The following FGF12 variants were observed in gnomAD, a reference collection of about 807,000 sequenced individuals.
The protein encoded by FGF12 is fibroblast growth factor 12, also known as fibroblast growth factor 12B.
FGF12 carries 14 observed loss-of-function variants against 23.6 expected under a neutral mutation model. The ratio of observed to expected loss-of-function variants is 0.59; its 90% confidence interval spans 0.39 to 0.93. The LOEUF (loss-of-function observed/expected upper bound fraction) is 0.93. Among genes scored for constraint, FGF12 ranks in the 40% least tolerant of loss-of-function variants. The pLI, the probability that FGF12 is intolerant of heterozygous loss-of-function variation, is 0.00. For missense variants in FGF12, 175 were observed against 217.8 expected (o/e 0.80, Z 1.24); for synonymous variants, 62 against 77.3 (o/e 0.80, Z 1.04).
chr3:192,427,000 G>T (rs1721706276), intron 2 of FGF12, among the ~76,000 whole-genome samples: 1 of 152,076 alleles, frequency 6.6e-6, no homozygotes, highest in African/African-American at 2.4e-5. Flanking sequence ...TAATTACTTG[G>T]CATGGTTTAT....
intron 2 of FGF12, among the ~76,000 whole-genome samples, chr3:192,521,969 C>T (rs1027034772): frequency 6.6e-6 from 1 of 152,176 alleles, no homozygotes; most frequent in Non-Finnish European, 1.5e-5. Context: ...GAGGCCGAGG[C>T]GGGCGGATCA....
intron 2 of FGF12, among the ~76,000 whole-genome samples, chr3:192,640,790 C>CCTTT (rs1553842602): frequency 8.2e-6 from 1 of 122,136 alleles, no homozygotes; most frequent in Admixed American, 8.0e-5. Context: ...GTTAAAACCC[C>CCTTT]TTTTTTTTGT....
intron 2 of FGF12, among the ~76,000 whole-genome samples, chr3:192,586,203 G>A (rs1468544491): frequency 6.6e-6 from 1 of 152,150 alleles, no homozygotes; most frequent in African/African-American, 2.4e-5. Context: ...TGGGTAACAA[G>A]CAGGTAAATC....
intron 2 of FGF12, among the ~76,000 whole-genome samples, chr3:192,468,164 C>T (rs77456732): frequency 0.01 from 1,569 of 152,280 alleles, 23 homozygotes; most frequent in African/African-American, 0.037. Context: ...CAATGACAAT[C>T]TTTTTGGAAA....
chr3:192,667,257 G>A (rs1487632466), intron 2 of FGF12, among the ~76,000 whole-genome samples: 3 of 152,066 alleles, frequency 2.0e-5, no homozygotes, highest in African/African-American at 7.2e-5. Flanking sequence ...AAAAGCTTCT[G>A]GAAAGGTCAC....
At chr3:192,673,489 C>G (rs1222223722) in intron 2 of FGF12, among the ~76,000 whole-genome samples, 2 of 150,798 alleles carry the variant, frequency 1.3e-5, no homozygotes, top group African/African-American at 4.8e-5. Flanking sequence ...AACCCATCAC[C>G]TAGGTATTAA....
At chr3:192,503,424 A>G (rs1311576125) in intron 2 of FGF12, among the ~76,000 whole-genome samples, 1 of 152,152 alleles carries the variant, frequency 6.6e-6, no homozygotes, top group African/African-American at 2.4e-5. Flanking sequence ...AAAATCAGTG[A>G]TCCAAAATCA....
At chr3:192,312,385 T>A (rs1329963453) in intron 4 of FGF12, among the ~76,000 whole-genome samples, 1 of 151,458 alleles carries the variant, frequency 6.6e-6, no homozygotes, top group Non-Finnish European at 1.5e-5. Flanking sequence ...TTTTCATATG[T>A]CATGTGAAAA....
intron 2 of FGF12, chr3:192,516,537 C>T (rs989364725): frequency 6.6e-6 from 1 of 152,198 alleles, no homozygotes; most frequent in Non-Finnish European, 1.5e-5. Context: ...TTTGAAGTTG[C>T]CTGGAAGAAG....
chr3:192,546,227 C>A (rs1486932819), intron 2 of FGF12, among the ~76,000 whole-genome samples: 1 of 152,042 alleles, frequency 6.6e-6, no homozygotes, highest in Non-Finnish European at 1.5e-5. Flanking sequence ...AAGAATGCCT[C>A]ATTATAGAGT....
intron 2 of FGF12, among the ~76,000 whole-genome samples, chr3:192,575,646 TG>T (rs1371488083): frequency 6.8e-6 from 1 of 148,094 alleles, no homozygotes; most frequent in African/African-American, 2.5e-5. Flanking sequence ...CAGTAGGGTT[TG>T]CTAATGCTTT....
intron 2 of FGF12, among the ~76,000 whole-genome samples, chr3:192,624,456 G>C (rs1346422067): frequency 1.3e-5 from 2 of 152,124 alleles, no homozygotes; most frequent in African/African-American, 2.4e-5. Flanking sequence ...AGGAGGAGCA[G>C]AGAGAAGAGG....
In FGF12 at chr3:192,428,342, A is replaced by C. The variant is rs529459902; in HGVS notation, c.14-67804T>G. Among the ~76,000 whole-genome samples, 4 of 152,318 alleles carry C rather than the reference A, an allele frequency of 2.6e-5. No individual in the cohort carries two copies. The South Asian group carries it at 6.2e-4, about 24-fold the overall frequency. ...GTTAGAGGGAAGAATCAGGAGAGGAAGAAGGGAAGGGGGAAACAGTTCACA... is the reference window on the plus strand; with the variant it reads ...GTTAGAGGGAAGAATCAGGAGAGGACGAAGGGAAGGGGGAAACAGTTCACA... On this transcript the variant is annotated intron_variant, in intron 2 of 5. Transcript: ENST00000445105.
intron 2 of FGF12, among the ~76,000 whole-genome samples, chr3:192,483,914 T>C (rs1723551199): frequency 1.3e-5 from 2 of 152,146 alleles, no homozygotes; most frequent in African/African-American, 2.4e-5. Context: ...GCTGTACATA[T>C]GAAGGAGACA....
At chr3:192,644,457 G>C (rs1348388986) in intron 2 of FGF12, among the ~76,000 whole-genome samples, 1 of 151,970 alleles carries the variant, frequency 6.6e-6, no homozygotes, top group Non-Finnish European at 1.5e-5. Context: ...CTATTTTATT[G>C]CATGATGGTT....
At chr3:192,294,963 T>TAA (rs1387217783) in intron 4 of FGF12, among the ~76,000 whole-genome samples, 1 of 152,150 alleles carries the variant, frequency 6.6e-6, no homozygotes, top group African/African-American at 2.4e-5. Flanking sequence ...TAACTTAAAA[T>TAA]AATACCAGTG....
intron 4 of FGF12, among the ~76,000 whole-genome samples, chr3:192,296,437 T>C (rs1363559132): frequency 6.6e-6 from 1 of 152,074 alleles, no homozygotes; most frequent in Non-Finnish European, 1.5e-5. Context: ...TTACCCAGGC[T>C]GGTCTCAAAC....
In FGF12 at chr3:192,239,444, A is replaced by G. The variant is rs1719481341; in HGVS notation, c.229-68788T>C. On this transcript the variant is annotated intron_variant, in intron 4 of 5. Coordinates refer to ENST00000445105, the MANE Select transcript of FGF12 (RefSeq NM_004113.6). ...CCAAATTGGGACAAAGCCGTTAATT[A>G]TGTGAAGCTTATTCTAACAATAGCT... is the stretch of plus-strand genomic sequence containing the variant. Among the ~76,000 whole-genome samples the G allele has an allele frequency of 2.0e-5, 3 of 152,222 alleles. No individual in the cohort carries two copies. The South Asian group carries it at 6.2e-4, about 31-fold the overall frequency.
Position 192,336,364 on chromosome 3 carries a change from G to GA in FGF12, c.125-901dup, listed in dbSNP as rs1287237809. On this transcript the variant is annotated intron_variant, in intron 3 of 5. Transcript: ENST00000445105. The surrounding 1 kb of genome is among the most constrained non-coding windows in gnomAD (Gnocchi z 4.3). ...ACTTAGAGAAGGAATTCGTAGATCA[G>GA]AAAAAAAGATACCTAAGAGAACCTT... Among the ~76,000 whole-genome samples, 1 of 151,866 alleles carries GA rather than the reference G, an allele frequency of 6.6e-6. No homozygotes were observed. Among genetic ancestry groups the GA allele is most frequent in the Non-Finnish European group, 1.5e-5 (1 of 67,966 alleles).
Sources: gnomAD v4.1 joint callset for allele counts (sites outside exome capture counted in the v4.1 genomes callset) on GRCh38, gnomAD v4.1.1 for gene constraint, Gnocchi (gnomAD v3.1) non-coding constraint, MANE v1.5 for transcripts, NCBI Gene and HGNC (gene_info 2026-07-23, HGNC 2026-07-21) for gene names.